The following GRID2IP variants were observed in gnomAD, a reference collection of about 807,000 sequenced individuals.
GRID2IP encodes the protein delphilin.
A neutral mutation model predicts 114.3 loss-of-function variants in GRID2IP; 78 were observed. The ratio of observed to expected loss-of-function variants is 0.68; its 90% CI spans 0.57 to 0.82. The LOEUF is 0.82. GRID2IP is among the 40% of genes least tolerant of loss of function. GRID2IP has a pLI of 0.00. For missense variants in GRID2IP, 1,727 were observed against 1,678.5 expected (o/e 1.03, Z -0.51); for synonymous variants, 809 against 724.0 (o/e 1.12, Z -1.89).
At chr7:6,504,761 C>G (rs1786526952) in intron 15 of GRID2IP, 32 bp downstream of exon 15, 1 of 1,529,654 alleles carries the variant, frequency 6.5e-7, no homozygotes. Flanking sequence ...CCGCCTGCCC[C>G]CTACACCCCC....
chr7:6,545,607 T>G (rs963809963), intron 1 of GRID2IP, among the ~76,000 whole-genome samples: 4 of 152,222 alleles, frequency 2.6e-5, no homozygotes, highest in Non-Finnish European at 4.4e-5. Context: ...TGTACACGTC[T>G]GAATCCTAGC....
chr7:6,520,713 A>C lies in GRID2IP; in HGVS notation c.1133T>G (p.Leu378Arg). ...SPNPSSALTS[L>R]QWVAEILPSS... The stretch of plus-strand genomic sequence containing the variant: ...CGGCAGGATCTCCGCCACCCACTGC[A>C]GGGAGGTGAGCGCCGACGACGGGTT... Residue 378 changes from leucine to arginine, a missense_variant, in exon 7 of 22, where the codon CTG becomes CGG. Leu to Arg is a moderately radical substitution (Grantham distance 102, BLOSUM62 -2). Coordinates refer to ENST00000457091, the MANE Select transcript of GRID2IP (RefSeq NM_001145118.2). The surrounding 1 kb of genome is among the most constrained non-coding windows in gnomAD (Gnocchi z 4.6). 6.4e-7 allele frequency: 1 copy of C among 1,551,644 alleles called. No homozygotes were observed. The highest frequency in any genetic ancestry group is 8.7e-7 in the Non-Finnish European group (1 of 1,146,970).
At chr7:6,549,087 G>A (rs1779929920) in intron 1 of GRID2IP, among the ~76,000 whole-genome samples, 1 of 152,282 alleles carries the variant, frequency 6.6e-6, no homozygotes, top group South Asian at 2.1e-4. Flanking sequence ...GAATGGCATG[G>A]GAGGTTGCTG....
Position 6,516,101 on chromosome 7 carries a change from T to G in GRID2IP, c.1269-1572A>C, listed in dbSNP as rs1441925387. ...GACAGAGCAAGACCCCGTCTCAAAA[T>G]AATAATAATAAAAAATAAATAAATA... On this transcript the variant is annotated intron_variant, in intron 7 of 21. Transcript: ENST00000457091. The surrounding 1 kb of genome is among the most constrained non-coding windows in gnomAD (Gnocchi z 4.3). Among the ~76,000 whole-genome samples, 1 of 126,268 alleles carries G rather than the reference T, an allele frequency of 7.9e-6. No individual in the cohort carries two copies. Among genetic ancestry groups the G allele is most frequent in the Non-Finnish European group, 1.7e-5 (1 of 58,096 alleles). The allele number at this position is 126,268 out of a possible 152,430, so 82.8% of individuals were successfully genotyped here. A position where few individuals can be genotyped will look rare whatever the true frequency, so the allele number is the denominator to read the frequency against.
In GRID2IP at chr7:6,523,300, C is replaced by T. The variant is rs1283955176; in HGVS notation, c.920-1343G>A. On this transcript the variant is annotated intron_variant, in intron 4 of 21. Transcript: ENST00000457091. This position sits in a 1 kb window ranked among gnomAD's most constrained non-coding sequence, Gnocchi z 4.5. The stretch of plus-strand genomic sequence containing the variant: ...GATGGGGGAAGTCCTTTCCCTGGAC[C>T]AAAAAGGAGAGAGTGATGGTGGTGG... Among the ~76,000 whole-genome samples, 2 of 152,012 alleles carry T rather than the reference C, an allele frequency of 1.3e-5. No homozygotes were observed. The highest frequency in any genetic ancestry group is 2.9e-5 in the Non-Finnish European group (2 of 67,994).
rs765564269 is a variant in GRID2IP at position 6,532,279 on chromosome 7, C to A, written c.585-5510G>T. On this transcript the variant is annotated intron_variant, in intron 2 of 21. Transcript: ENST00000457091. The surrounding 1 kb of genome is among the most constrained non-coding windows in gnomAD (Gnocchi z 4.4). ...TGGGGAGGGGCTCTTCAGGGGCACC[C>A]CCAACCAGAACATCAGCATGAAGCC... 6.6e-6 allele frequency among the ~76,000 whole-genome samples: 1 copy of A among 152,100 alleles called. No individual in the cohort carries two copies. The highest frequency in any genetic ancestry group is 1.5e-5 in the Non-Finnish European group (1 of 68,010).
chr7:6,538,997 C>T (rs997465355), intron 2 of GRID2IP, among the ~76,000 whole-genome samples: 1 of 151,976 alleles, frequency 6.6e-6, no homozygotes, highest in Non-Finnish European at 1.5e-5. Context: ...ACTGGAGCCC[C>T]ACATGGCACA....
chr7:6,514,658 G>GTAA, intron 7 of GRID2IP, 129 bp from the exon 8 acceptor site: 1 of 778,992 alleles, frequency 1.3e-6, no homozygotes, highest in Non-Finnish European at 1.8e-6. Context: ...ACCCTTCAAA[G>GTAA]ACAGAAGTGG....
intron 2 of GRID2IP, among the ~76,000 whole-genome samples, chr7:6,535,265 G>C (rs1779705211): frequency 1.3e-5 from 2 of 152,208 alleles, no homozygotes; most frequent in Non-Finnish European, 2.9e-5. Flanking sequence ...CCTGACCTCA[G>C]GTGATCCACC....
chr7:6,536,741 A>C lies in GRID2IP; in HGVS notation c.584+2977T>G, dbSNP rs970770107. On this transcript the variant is annotated intron_variant, in intron 2 of 21. Coordinates refer to ENST00000457091, the MANE Select transcript of GRID2IP (RefSeq NM_001145118.2). This position sits in a 1 kb window ranked among gnomAD's most constrained non-coding sequence, Gnocchi z 5.3. ...AGGAAGCGCTCAGAGCCAGCGCATC[A>C]TCTCCGCGGCAAATTCGGCTCTAGA... The C allele has an allele frequency of 1.4e-6, 1 of 696,348 alleles. No individual in the cohort carries two copies. Among genetic ancestry groups the C allele is most frequent in the African/African-American group, 1.8e-5 (1 of 57,006 alleles). The allele number at this position is 696,348 out of a possible 1,614,324, so 43.1% of individuals were successfully genotyped here.
rs1236944687 is a variant in GRID2IP at position 6,503,093 on chromosome 7, G to T, written c.2978C>A (p.Thr993Lys). ...LHFQATLQEK[T>K]EEIRGSLECL... ...TTCAAGGCTGCCTCGGATCTCCTCTGTCTTCTCCTGGAGGGTGGCCTGGAA... is the reference window on the plus strand; with the variant it reads ...TTCAAGGCTGCCTCGGATCTCCTCTTTCTTCTCCTGGAGGGTGGCCTGGAA... Residue 993 changes from threonine (T) to lysine (K), a missense_variant, in exon 17 of 22, where the codon ACA becomes AAA. By Grantham distance (78) the Thr-to-Lys change is moderately conservative. Coordinates refer to ENST00000457091, the MANE Select transcript of GRID2IP (RefSeq NM_001145118.2). 1 of 1,551,308 alleles carries T rather than the reference G, an allele frequency of 6.4e-7. No homozygotes were observed. Among genetic ancestry groups the T allele is most frequent in the Non-Finnish European group, 8.7e-7 (1 of 1,146,816 alleles).
Position 6,526,669 on chromosome 7 carries a change from G to C in GRID2IP, c.685C>G (p.Arg229Gly), listed in dbSNP as rs752214932. Residue 229 changes from arginine (R) to glycine (G), a missense_variant, in exon 3 of 22, where the codon CGA becomes GGA. Physicochemically the swap from Arg to Gly is moderately radical, Grantham distance 125 (BLOSUM62 -2). Coordinates refer to ENST00000457091, the MANE Select transcript of GRID2IP (RefSeq NM_001145118.2). The surrounding 1 kb of genome is among the most constrained non-coding windows in gnomAD (Gnocchi z 7.6). Reference sequence around the variant, plus strand: ...TCCTCGCTGCGGCTCCGGCGCAGTCGCTGCGCGCCCTGGGCCCGGCGTGCG... The same window carrying C: ...TCCTCGCTGCGGCTCCGGCGCAGTCCCTGCGCGCCCTGGGCCCGGCGTGCG... ...CRARRAQGAQ[R>G]LRRSRSEERP... The C allele has an allele frequency of 2.1e-6, 3 of 1,460,918 alleles. No homozygotes were observed. The East Asian group carries it at 9.1e-5, about 44-fold the overall frequency. The allele number at this position is 1,460,918 out of a possible 1,614,324, so 90.5% of individuals were successfully genotyped here. A position where few individuals can be genotyped will look rare whatever the true frequency, so the allele number is the denominator to read the frequency against.
chr7:6,503,247 G>GGGGGGGGGGC, intron 16 of GRID2IP, 84 bp from the exon 17 acceptor site: 6 of 504,150 alleles, frequency 1.2e-5, no homozygotes, highest in South Asian at 2.0e-5. Flanking sequence ...GGGAGGGGGG[G>GGGGGGGGGGC]ATCTGCTGGC....
chr7:6,530,990 T>G, intron 2 of GRID2IP: 1 of 617,670 alleles, frequency 1.6e-6, no homozygotes, highest in Non-Finnish European at 2.9e-6. Context: ...CCCACCCGCT[T>G]TCAGACCAGC....
At chr7:6,525,587 T>C (rs982857642) in intron 4 of GRID2IP, among the ~76,000 whole-genome samples, 4 of 152,024 alleles carry the variant, frequency 2.6e-5, no homozygotes, top group Admixed American at 6.6e-5. Flanking sequence ...TGAGCCAAGA[T>C]TGCACCACTG....
rs6977892 is a variant in GRID2IP at position 6,516,589 on chromosome 7, C to T, written c.1269-2060G>A. Among the ~76,000 whole-genome samples the T allele has an allele frequency of 0.36, 54,355 of 151,734 alleles. 11,809 individuals are homozygous for T. Among genetic ancestry groups the T allele is most frequent in the Non-Finnish European group, 0.5 (34,016 of 67,890 alleles). On this transcript the variant is annotated intron_variant, in intron 7 of 21. Transcript: ENST00000457091. This position sits in a 1 kb window ranked among gnomAD's most constrained non-coding sequence, Gnocchi z 4.3. ...AGACCGGGAAAGGGAGTCTCCCTTTCCTGGTGGAGTTAAAGAAGACTCTGC... is the reference window on the plus strand; with the variant it reads ...AGACCGGGAAAGGGAGTCTCCCTTTTCTGGTGGAGTTAAAGAAGACTCTGC...
At chr7:6,500,402 T>G (rs796256535) in intron 20 of GRID2IP, among the ~76,000 whole-genome samples, 12 of 152,184 alleles carry the variant, frequency 7.9e-5, no homozygotes, top group African/African-American at 2.2e-4. Context: ...AGGTAGAGGT[T>G]GCAGTGAGCC....
In GRID2IP at chr7:6,508,969, C is replaced by T. The variant is rs1056563297; in HGVS notation, c.2116G>A (p.Asp706Asn). ...IVDDFLTPEN[D>N]YEEMSFHDDQ... ...GCTTGCGTGCCCACCTCCTCGTAGT[C>T]GTTCTCCGGGGTCAGGAAATCATCC... Residue 706 changes from aspartate to asparagine, a missense_variant, in exon 12 of 22, where the codon GAC (aspartate) becomes AAC (asparagine). Transcript: ENST00000457091. The surrounding 1 kb of genome is among the most constrained non-coding windows in gnomAD (Gnocchi z 5.6). The T allele has an allele frequency of 2.3e-5, 36 of 1,547,002 alleles. No homozygotes were observed. Among genetic ancestry groups the T allele is most frequent in the Admixed American group, 3.9e-5 (2 of 50,880 alleles).
chr7:6,550,205 C>A (rs1779953383), intron 1 of GRID2IP, among the ~76,000 whole-genome samples: 1 of 151,966 alleles, frequency 6.6e-6, no homozygotes, highest in Non-Finnish European at 1.5e-5. Context: ...GTTGCCCAGG[C>A]TGGCCTTGAA....
Sources: gnomAD v4.1 joint callset for allele counts (sites outside exome capture counted in the v4.1 genomes callset) on GRCh38, gnomAD v4.1.1 for gene constraint, Gnocchi (gnomAD v3.1) non-coding constraint, MANE v1.5 for transcripts, NCBI Gene and HGNC (gene_info 2026-07-23, HGNC 2026-07-21) for gene names.